Variants in MARK2 observed in about 807,000 individuals in gnomAD.
MARK2 encodes microtubule affinity regulating kinase 2.
Under a neutral mutation model 89.8 loss-of-function variants are expected in MARK2, and 16 were observed. That is an observed-to-expected ratio of 0.18 (90% confidence interval 0.12 to 0.27). The LOEUF is 0.27. MARK2 is among the 10% of genes least tolerant of loss of function. The probability of loss-of-function intolerance (pLI) is 1.00; values close to 1 mark genes in which losing one functional copy is unlikely to be tolerated. For synonymous variants in MARK2, 382 were observed against 399.5 expected (o/e 0.96, Z 0.52); for missense variants, 621 against 1,049.9 (o/e 0.59, Z 5.65).
chr11:63,844,257 A>G (rs539731557), intron 1 of MARK2, among the ~76,000 whole-genome samples: 2 of 152,318 alleles, frequency 1.3e-5, no homozygotes, highest in East Asian at 3.9e-4. Flanking sequence ...AGGCAGGAGG[A>G]TTGCTTGAGG....
At position 63,910,400 on chromosome 11, in the gene MARK2, G is replaced by C. The variant is rs931988447; in HGVS notation, c.*1163G>C. ...AGGCTGAGTTAGGCAGCAGGGCCGG[G>C]AGCGTCTGCCCTCCACAGGGTGGGG... On this transcript the variant is annotated 3_prime_UTR_variant, in exon 19 of 19. Transcript: ENST00000402010. The C allele has an allele frequency of 6.6e-6, 1 of 152,302 alleles. No homozygotes were observed. Among genetic ancestry groups the C allele is most frequent in the Admixed American group, 6.5e-5 (1 of 15,284 alleles). The allele number at this position is 152,302 out of a possible 1,614,324, so 9.4% of individuals were successfully genotyped here.
chr11:63,869,475 G>A lies in MARK2; in HGVS notation c.55-25684G>A, dbSNP rs56132900. 9.5e-3 allele frequency: 1,460 copies of A among 153,618 alleles called. 12 individuals carry two copies. The highest frequency in any genetic ancestry group is 0.016 in the Non-Finnish European group (1,081 of 68,916). The allele number at this position is 153,618 out of a possible 1,614,324, so 9.5% of individuals were successfully genotyped here. ...GGCTGCAGAGCCCTGGGGCCTGTTGGAAATAGACTGTGCCTTTCCCTGCGC... is the reference window on the plus strand; with the variant it reads ...GGCTGCAGAGCCCTGGGGCCTGTTGAAAATAGACTGTGCCTTTCCCTGCGC... On this transcript the variant is annotated intron_variant, in intron 1 of 18. Coordinates refer to ENST00000402010, the MANE Select transcript of MARK2 (RefSeq NM_001039469.3).
intron 1 of MARK2, among the ~76,000 whole-genome samples, chr11:63,872,631 T>C (rs928887388): frequency 1.3e-5 from 2 of 152,148 alleles, no homozygotes; most frequent in Admixed American, 1.3e-4. Context: ...CTAGTTCTGA[T>C]AGGAGTACCA....
intron 1 of MARK2, among the ~76,000 whole-genome samples, chr11:63,854,318 G>A (rs2016731846): frequency 6.7e-6 from 1 of 149,772 alleles, no homozygotes; most frequent in African/African-American, 2.5e-5. Flanking sequence ...TCTCACCTCA[G>A]CCTCCCCAGT....
chr11:63,850,711 T>C (rs1466948607), intron 1 of MARK2, among the ~76,000 whole-genome samples: 3 of 151,978 alleles, frequency 2.0e-5, no homozygotes, highest in Non-Finnish European at 4.4e-5. Flanking sequence ...AGAGCTTGAG[T>C]TTTTTGAGAG....
intron 1 of MARK2, among the ~76,000 whole-genome samples, chr11:63,840,852 C>T (rs1347679586): frequency 6.6e-6 from 1 of 152,316 alleles, no homozygotes; most frequent in East Asian, 1.9e-4. Context: ...ACACGGTCCC[C>T]CTCATCCTGG....
At chr11:63,871,004 G>A (rs1938413114) in intron 1 of MARK2, among the ~76,000 whole-genome samples, 1 of 152,112 alleles carries the variant, frequency 6.6e-6, no homozygotes, top group African/African-American at 2.4e-5. Flanking sequence ...TACAGTGTGG[G>A]CAAAAATCCA....
chr11:63,852,098 A>G (rs1425983859), intron 1 of MARK2, among the ~76,000 whole-genome samples: 1 of 152,226 alleles, frequency 6.6e-6, no homozygotes. Flanking sequence ...CCTCACCAGT[A>G]TACAGTGGCA....
Position 63,903,367 on chromosome 11 carries a change from G to A in MARK2, c.1514+209G>A. ...TTCCTCTGACTGCTACTTGCAGTTT[G>A]CCAAGTGTGGGGCTGACCGTGGCCA... On this transcript the variant is annotated intron_variant, in intron 14 of 18. Transcript: ENST00000402010. The surrounding 1 kb of genome is among the most constrained non-coding windows in gnomAD (Gnocchi z 5.1). 1.7e-6 allele frequency: 1 copy of A among 572,036 alleles called. No homozygotes were observed. Among genetic ancestry groups the A allele is most frequent in the East Asian group, 3.0e-5 (1 of 33,484 alleles). 35.4% of individuals were successfully genotyped at this position (572,036 alleles called of 1,614,324 possible). A position where few individuals can be genotyped will look rare whatever the true frequency, so the allele number is the denominator to read the frequency against.
At chr11:63,901,995 CTG>C (rs1203603225) in intron 11 of MARK2, among the ~76,000 whole-genome samples, 3 of 151,986 alleles carry the variant, frequency 2.0e-5, no homozygotes, top group Admixed American at 2.0e-4. Context: ...CTTTCTGAGA[CTG>C]TGTTTGTCAG....
intron 1 of MARK2, among the ~76,000 whole-genome samples, chr11:63,892,501 G>A (rs369788664): frequency 2.6e-5 from 4 of 152,026 alleles, no homozygotes; most frequent in African/African-American, 2.4e-5. Flanking sequence ...AGTGCTTCAC[G>A]TACAGCCAGC....
chr11:63,890,353 A>G, intron 1 of MARK2: 2 of 1,100,352 alleles, frequency 1.8e-6, no homozygotes, highest in Non-Finnish European at 2.5e-6. Flanking sequence ...TTCAGTCCCG[A>G]AAAGGGGGTT....
At chr11:63,869,243 C>T in intron 1 of MARK2, 1 of 151,468 alleles carries the variant, frequency 6.6e-6, no homozygotes, top group East Asian at 2.2e-4. Context: ...GGCAGGGAGG[C>T]TGAAACTGCT....
chr11:63,861,485 T>G (rs1423308247), intron 1 of MARK2, among the ~76,000 whole-genome samples: 1 of 152,152 alleles, frequency 6.6e-6, no homozygotes, highest in African/African-American at 2.4e-5. Flanking sequence ...ACTGTATTAG[T>G]TAAGGCAACG....
chr11:63,908,789 C>T, intron 18 of MARK2, 88 bp from the exon 19 acceptor site: 4 of 1,350,430 alleles, frequency 3.0e-6, no homozygotes, highest in Non-Finnish European at 3.9e-6. Flanking sequence ...GCTCTCCTCT[C>T]TGGGCTCAGG....
Position 63,900,434 on chromosome 11 carries a change from C to A in MARK2, c.769-125C>A. ...GTGAGGTGTCTTGTCCCCAGGCTGT[C>A]TGCCTTCTTCCATATTTCATTTATG... On this transcript the variant is annotated intron_variant, in intron 8 of 18. Coordinates refer to ENST00000402010, the MANE Select transcript of MARK2 (RefSeq NM_001039469.3). This position sits in a 1 kb window ranked among gnomAD's most constrained non-coding sequence, Gnocchi z 4.7. The A allele has an allele frequency of 1.7e-6, 2 of 1,176,984 alleles. No individual in the cohort carries two copies. The highest frequency in any genetic ancestry group is 2.4e-6 in the Non-Finnish European group (2 of 824,458). The allele number at this position is 1,176,984 out of a possible 1,614,324, so 72.9% of individuals were successfully genotyped here.
At chr11:63,841,248 TG>T in intron 1 of MARK2, among the ~76,000 whole-genome samples, 1 of 152,360 alleles carries the variant, frequency 6.6e-6, no homozygotes, top group Middle Eastern at 3.4e-3. Context: ...TTTTCTATTT[TG>T]TTACCCCCTG....
chr11:63,877,570 G>T (rs777135545), intron 1 of MARK2, among the ~76,000 whole-genome samples: 3 of 151,918 alleles, frequency 2.0e-5, no homozygotes, highest in Non-Finnish European at 4.4e-5. Context: ...ATGGTGGTGG[G>T]CACCTGTAGT....
At chr11:63,871,021 A>G (rs562039147) in intron 1 of MARK2, among the ~76,000 whole-genome samples, 60 of 152,306 alleles carry the variant, frequency 3.9e-4, no homozygotes, top group Admixed American at 2.3e-3. Flanking sequence ...TCCAGAAACC[A>G]TGTGGATCTA....
Sources: allele counts gnomAD v4.1 joint callset (sites outside exome capture counted in the v4.1 genomes callset), GRCh38; gene constraint gnomAD v4.1.1; non-coding constraint Gnocchi (gnomAD v3.1); transcripts MANE v1.5; gene names NCBI Gene and HGNC (gene_info 2026-07-23, HGNC 2026-07-21).